Variants in SF3B3 observed in about 807,000 individuals in gnomAD.
The protein encoded by SF3B3 is SAP 130.
Under a neutral mutation model 139.2 loss-of-function variants are expected in SF3B3, and 33 were observed. That is an observed-to-expected ratio of 0.24 (90% confidence interval 0.18 to 0.32). The LOEUF (loss-of-function observed/expected upper bound fraction) is 0.32. Among genes scored for constraint, SF3B3 ranks in the 10% least tolerant of loss-of-function variants. SF3B3 has a pLI of 1.00. For synonymous variants in SF3B3, 596 were observed against 563.6 expected, an observed-to-expected ratio of 1.06 and a Z score of -0.81; for missense variants, 818 against 1,509.4, an observed-to-expected ratio of 0.54 and a Z score of 7.59.
At chr16:70,568,167 T>C (rs2050494818) in intron 21 of SF3B3, 116 bp from the exon 22 acceptor site, 1 of 775,082 alleles carries the variant, frequency 1.3e-6, no homozygotes, top group Non-Finnish European at 2.2e-6. Flanking sequence ...TAACTGCTGG[T>C]TTTTGGTATT....
intron 8 of SF3B3, among the ~76,000 whole-genome samples, chr16:70,539,811 T>C (rs2050202135): frequency 6.6e-6 from 1 of 151,294 alleles, no homozygotes; most frequent in African/African-American, 2.4e-5. Flanking sequence ...AGTTTTGCCC[T>C]TGTTGCCCAG....
chr16:70,539,829 T>C (rs1458037331), intron 8 of SF3B3, among the ~76,000 whole-genome samples: 1 of 149,632 alleles, frequency 6.7e-6, no homozygotes, highest in Admixed American at 6.7e-5. Context: ...CAGACTGGAG[T>C]GCAATGGTGT....
At chr16:70,539,485 T>G (rs565378767) in intron 8 of SF3B3, among the ~76,000 whole-genome samples, 1 of 152,044 alleles carries the variant, frequency 6.6e-6, no homozygotes, top group East Asian at 1.9e-4. Flanking sequence ...AAGGTGGAGA[T>G]TGCAGTGAGC....
At chr16:70,560,384 T>C in intron 15 of SF3B3, 85 bp from the exon 16 acceptor site, 3 of 1,406,104 alleles carry the variant, frequency 2.1e-6, no homozygotes, top group Non-Finnish European at 2.9e-6. Flanking sequence ...TCTAATTTCT[T>C]ATGTGAAGTA....
chr16:70,538,279 AGT>A, intron 6 of SF3B3, 42 bp from the exon 7 acceptor site: 1 of 1,579,394 alleles, frequency 6.3e-7, no homozygotes, highest in Non-Finnish European at 8.7e-7. Context: ...AGAACTAAGA[AGT>A]ACCCATTTCT....
At chr16:70,561,850 C>T (rs1260526371) in intron 17 of SF3B3, 66 bp downstream of exon 17, 1 of 1,435,826 alleles carries the variant, frequency 7.0e-7, no homozygotes, top group Non-Finnish European at 9.7e-7. Flanking sequence ...ACTGGTTCTG[C>T]CAGAGTGTTG....
chr16:70,567,476 G>A lies in SF3B3; in HGVS notation c.2892G>A (p.Gly964=). The A allele has an allele frequency of 1.2e-6, 2 of 1,614,094 alleles. No homozygotes were observed. Among genetic ancestry groups the A allele is most frequent in the South Asian group, 1.1e-5 (1 of 91,076 alleles). Residue 964 remains glycine, a synonymous_variant, in exon 21 of 26, where the codon GGG becomes GGA. Transcript: ENST00000302516. ...AGGGGAGGGTGTTGATTGGTGTGGG[G>A]AAGCTGTTGCGTGTCTATGACCTGG... ...PFQGRVLIGV[G]KLLRVYDLGK... is the part of the protein sequence containing the mutation.
intron 2 of SF3B3, 188 bp downstream of exon 2, chr16:70,526,914 A>G (rs1356380455): frequency 3.3e-6 from 2 of 598,582 alleles, no homozygotes; most frequent in Non-Finnish European, 2.9e-6. Flanking sequence ...TGCATTTCCT[A>G]GTTCACAAAT....
Position 70,571,128 on chromosome 16 carries a change from C to T in SF3B3, c.3442C>T (p.Leu1148=), listed in dbSNP as rs778781303. Residue 1148 remains leucine (L), a synonymous_variant, in exon 25 of 26, where the codon CTG becomes TTG. Coordinates refer to ENST00000302516, the MANE Select transcript of SF3B3 (RefSeq NM_012426.5). ...CTTCTTCCAGCATGTGGAAATGCAC[C>T]TGCGGTCTGAACATCCCCCTCTCTG... ...HDFFQHVEMH[L]RSEHPPLCGR... 1.2e-6 allele frequency: 2 copies of T among 1,613,926 alleles called. No homozygotes were observed. Among genetic ancestry groups the T allele is most frequent in the South Asian group, 1.1e-5 (1 of 91,072 alleles).
chr16:70,571,540 G>C, intron 25 of SF3B3, 133 bp from the exon 26 acceptor site: 1 of 957,196 alleles, frequency 1.0e-6, no homozygotes, highest in African/African-American at 1.7e-5. Flanking sequence ...ACTGCAACCC[G>C]GATGATAGGG....
chr16:70,533,033 A>G (rs1369919202), intron 5 of SF3B3, among the ~76,000 whole-genome samples: 1 of 152,222 alleles, frequency 6.6e-6, no homozygotes, highest in Admixed American at 6.5e-5. Flanking sequence ...ATTTTTGAAG[A>G]CGATTACCAG....
At chr16:70,568,100 A>G (rs1005265382) in intron 21 of SF3B3, among the ~76,000 whole-genome samples, 183 bp from the exon 22 acceptor site, 2 of 152,212 alleles carry the variant, frequency 1.3e-5, no homozygotes, top group East Asian at 3.9e-4. Flanking sequence ...AGTTAGGCAT[A>G]TATTTGCACT....
Position 70,529,286 on chromosome 16 carries a change from C to T in SF3B3, c.397+87C>T, listed in dbSNP as rs1307371670. 10 of 1,083,102 alleles carry T rather than the reference C, an allele frequency of 9.2e-6. No individual in the cohort carries two copies. The Admixed American group carries it at 1.7e-4, about 19-fold the overall frequency. The allele number at this position is 1,083,102 out of a possible 1,614,324, so 67.1% of individuals were successfully genotyped here. On this transcript the variant is annotated intron_variant, in intron 3 of 25. Coordinates refer to ENST00000302516, the MANE Select transcript of SF3B3 (RefSeq NM_012426.5). ...GTGGTGTGCCAGTGCCAATTAATTA[C>T]TTATGTGGGTTTGGCATCATGTTTG... is the stretch of plus-strand genomic sequence containing the variant.
Position 70,561,769 on chromosome 16 carries a change from C to T in SF3B3, c.2273C>T (p.Ser758Phe). ...EQCPEGIVAI[S>F]TNTLRILALE... ...TGTCCCGAGGGCATTGTGGCCATCT[C>T]CACCAACACCCTACGGTGAGTGAGT... is the stretch of plus-strand genomic sequence containing the variant. Residue 758 changes from serine (S) to phenylalanine (F), a missense_variant, in exon 17 of 26, where the codon TCC (serine) becomes TTC (phenylalanine). Ser to Phe is a radical substitution (Grantham distance 155). Transcript: ENST00000302516. 3 of 1,613,982 alleles carry T rather than the reference C, an allele frequency of 1.9e-6. No individual in the cohort carries two copies. Among genetic ancestry groups the T allele is most frequent in the Non-Finnish European group, 2.5e-6 (3 of 1,179,914 alleles).
intron 13 of SF3B3, 115 bp downstream of exon 13, chr16:70,555,321 T>A: frequency 1.0e-6 from 1 of 994,154 alleles, no homozygotes; most frequent in Non-Finnish European, 1.5e-6. Flanking sequence ...CTACTAAAAA[T>A]ACAAAAATTA....
At chr16:70,537,485 C>A (rs1262607408) in intron 6 of SF3B3, among the ~76,000 whole-genome samples, 2 of 152,182 alleles carry the variant, frequency 1.3e-5, no homozygotes, top group Non-Finnish European at 2.9e-5. Context: ...TGCCATCTCT[C>A]CCCTCAATCC....
At chr16:70,558,054 C>T (rs2050394498) in intron 15 of SF3B3, among the ~76,000 whole-genome samples, 1 of 152,110 alleles carries the variant, frequency 6.6e-6, no homozygotes, top group South Asian at 2.1e-4. Flanking sequence ...AACTGTTCTA[C>T]CCCATTTTGA....
intron 1 of SF3B3, chr16:70,524,625 T>TAA (rs367731095): frequency 6.6e-6 from 1 of 152,070 alleles, no homozygotes; most frequent in African/African-American, 2.4e-5. Flanking sequence ...GCGATTCTCT[T>TAA]ACCTCAGCCT....
intron 18 of SF3B3, 72 bp from the exon 19 acceptor site, chr16:70,564,993 C>A: frequency 7.0e-7 from 1 of 1,428,012 alleles, no homozygotes; most frequent in Non-Finnish European, 9.9e-7. Flanking sequence ...AGTGTTCTTG[C>A]TACCTATCCT....
Sources: allele counts gnomAD v4.1 joint callset (sites outside exome capture counted in the v4.1 genomes callset), GRCh38; gene constraint gnomAD v4.1.1; transcripts MANE v1.5; gene names NCBI Gene and HGNC (gene_info 2026-07-23, HGNC 2026-07-21).